EPHA6: variants seen among roughly 807,000 people sequenced by gnomAD.
The protein encoded by EPHA6 is ephrin type-A receptor 6.
A neutral mutation model predicts 112.0 loss-of-function variants in EPHA6; 50 were observed. That is an observed-to-expected ratio of 0.45 (90% CI 0.36 to 0.56). The LOEUF (loss-of-function observed/expected upper bound fraction) is 0.56, where lower values mean the gene tolerates loss of function less well. Among genes scored for constraint, EPHA6 ranks in the 20% least tolerant of loss-of-function variants. The pLI, the probability that EPHA6 is intolerant of heterozygous loss-of-function variation, is 0.00. For missense variants in EPHA6, 1,280 were observed against 1,417.4 expected (o/e 0.90, Z 1.56); for synonymous variants, 529 against 490.7 (o/e 1.08, Z -1.03).
chr3:97,488,049 C>A (rs9823396), intron 10 of EPHA6, among the ~76,000 whole-genome samples: 1 of 152,096 alleles, frequency 6.6e-6, no homozygotes, highest in East Asian at 1.9e-4. Context: ...AGTATAAGAA[C>A]AACTTGCCTG....
At chr3:97,410,309 C>A (rs1392962220) in intron 6 of EPHA6, among the ~76,000 whole-genome samples, 2 of 152,132 alleles carry the variant, frequency 1.3e-5, no homozygotes, top group East Asian at 3.9e-4. Flanking sequence ...ATACATGAAG[C>A]AATTATTGTA....
intron 11 of EPHA6, among the ~76,000 whole-genome samples, chr3:97,589,397 G>A (rs1205122780): frequency 6.6e-6 from 1 of 152,124 alleles, no homozygotes; most frequent in Non-Finnish European, 1.5e-5. Flanking sequence ...TGCAGGCCAT[G>A]TCAGCTTCTG....
intron 14 of EPHA6, among the ~76,000 whole-genome samples, chr3:97,718,681 C>T (rs1287163756): frequency 1.3e-5 from 2 of 152,156 alleles, no homozygotes; most frequent in Non-Finnish European, 2.9e-5. Flanking sequence ...GCTACTGTCA[C>T]CAACTTTGTA....
At chr3:96,820,414 G>A (rs2033162111) in intron 1 of EPHA6, among the ~76,000 whole-genome samples, 1 of 151,990 alleles carries the variant, frequency 6.6e-6, no homozygotes. Flanking sequence ...CGGGCAAGAT[G>A]TATGGTGGCC....
intron 13 of EPHA6, among the ~76,000 whole-genome samples, chr3:97,614,748 GA>G (rs1277052639): frequency 1.3e-5 from 2 of 152,048 alleles, no homozygotes; most frequent in East Asian, 3.9e-4. Flanking sequence ...AAGAAAGCAA[GA>G]AGGATTTAAT....
At chr3:96,899,409 AG>A (rs1307145905) in intron 2 of EPHA6, among the ~76,000 whole-genome samples, 1 of 152,206 alleles carries the variant, frequency 6.6e-6, no homozygotes, top group African/African-American at 2.4e-5. Context: ...TACCAGTTCT[AG>A]GGGGAACATG....
intron 1 of EPHA6, among the ~76,000 whole-genome samples, chr3:96,825,000 A>G (rs2107239927): frequency 6.6e-6 from 1 of 152,114 alleles, no homozygotes; most frequent in Middle Eastern, 3.4e-3. Flanking sequence ...TTACATACAA[A>G]TAAGCCTGAG....
At chr3:97,047,025 A>G (rs1316296616) in intron 3 of EPHA6, among the ~76,000 whole-genome samples, 1 of 152,092 alleles carries the variant, frequency 6.6e-6, no homozygotes, top group Admixed American at 6.6e-5. Flanking sequence ...ATCATCATAG[A>G]TAGTATATTC....
At chr3:97,441,999 T>G (rs1461363842) in intron 6 of EPHA6, among the ~76,000 whole-genome samples, 1 of 152,174 alleles carries the variant, frequency 6.6e-6, no homozygotes, top group East Asian at 1.9e-4. Context: ...AAAGAACATA[T>G]ACTTTATGAT....
chr3:97,661,353 C>A (rs1466627406), intron 14 of EPHA6, among the ~76,000 whole-genome samples: 1 of 152,170 alleles, frequency 6.6e-6, no homozygotes, highest in Non-Finnish European at 1.5e-5. Flanking sequence ...TGTAGTTCAA[C>A]AGCCCCTCTA....
chr3:97,329,278 C>T (rs947754446), intron 5 of EPHA6, among the ~76,000 whole-genome samples: 22 of 151,318 alleles, frequency 1.5e-4, no homozygotes, highest in African/African-American at 3.7e-4. Flanking sequence ...AATAAACATA[C>T]GTGTGCATGT....
intron 4 of EPHA6, among the ~76,000 whole-genome samples, chr3:97,241,078 A>G (rs2078831926): frequency 6.6e-6 from 1 of 151,680 alleles, no homozygotes; most frequent in South Asian, 2.1e-4. Flanking sequence ...CTACCTTGCT[A>G]TAAGTATCTC....
chr3:97,500,857 T>C (rs2092099942), intron 10 of EPHA6, among the ~76,000 whole-genome samples: 1 of 152,194 alleles, frequency 6.6e-6, no homozygotes, highest in South Asian at 2.1e-4. Flanking sequence ...GTAAAACCTT[T>C]AAAATGGTAG....
At chr3:97,441,800 T>C (rs549362517) in intron 6 of EPHA6, among the ~76,000 whole-genome samples, 37 of 151,980 alleles carry the variant, frequency 2.4e-4, no homozygotes, top group African/African-American at 8.5e-4. Flanking sequence ...ACTATGTAAC[T>C]GACTTCTCTT....
At chr3:97,316,412 A>G (rs1037133895) in intron 5 of EPHA6, among the ~76,000 whole-genome samples, 7 of 151,886 alleles carry the variant, frequency 4.6e-5, no homozygotes, top group African/African-American at 1.5e-4. Context: ...CCAATCAAGA[A>G]GATGAAATAA....
chr3:97,446,140 A>G (rs193021302), intron 6 of EPHA6, among the ~76,000 whole-genome samples: 1 of 152,254 alleles, frequency 6.6e-6, no homozygotes, highest in Non-Finnish European at 1.5e-5. Context: ...ACAAAAGCTA[A>G]CTTGGTTTCC....
intron 13 of EPHA6, among the ~76,000 whole-genome samples, chr3:97,620,679 T>C (rs1318921656): frequency 6.6e-6 from 1 of 152,000 alleles, no homozygotes; most frequent in East Asian, 1.9e-4. Context: ...GTATCACTGA[T>C]CGTTAGAGAA....
At chr3:96,935,753 T>TTA (rs59358202) in intron 2 of EPHA6, among the ~76,000 whole-genome samples, 30,055 of 146,758 alleles carry the variant, frequency 0.2, 6,687 homozygotes, top group African/African-American at 0.54. Context: ...TATGCACACA[T>TTA]TATATATATG....
intron 3 of EPHA6, among the ~76,000 whole-genome samples, chr3:97,035,805 T>C (rs1024033318): frequency 1.3e-5 from 2 of 151,996 alleles, no homozygotes; most frequent in Admixed American, 1.3e-4. Flanking sequence ...TATATGATAG[T>C]GCTTTCATTT....
Sources: allele counts gnomAD v4.1 joint callset (sites outside exome capture counted in the v4.1 genomes callset), GRCh38; gene constraint gnomAD v4.1.1; transcripts MANE v1.5; gene names NCBI Gene and HGNC (gene_info 2026-07-23, HGNC 2026-07-21).